Variants in GDF6 observed in about 807,000 individuals in gnomAD.
The protein encoded by GDF6 is growth differentiation factor 6.
GDF6 carries 3 observed loss-of-function variants against 32.4 expected under a neutral mutation model. That is an observed-to-expected ratio of 0.09 (90% CI 0.04 to 0.24). The LOEUF is 0.24. GDF6 is among the 10% of genes least tolerant of loss of function. The pLI is 1.00. For missense variants in GDF6, 589 were observed against 637.9 expected (o/e 0.92, Z 0.83); for synonymous variants, 296 against 295.3 (o/e 1.00, Z -0.03).
chr8:96,147,033 C>T (rs1000609489), intron 1 of GDF6, among the ~76,000 whole-genome samples: 1 of 152,182 alleles, frequency 6.6e-6, no homozygotes, highest in Non-Finnish European at 1.5e-5. Context: ...ACAAAAATCC[C>T]CAAAGCCCCC....
chr8:96,145,464 G>A lies in GDF6; in HGVS notation c.467C>T (p.Ser156Leu), dbSNP rs770401948. The change falls in exon 2 of 2, where the codon TCA becomes TTA. Residue 156 changes from serine to leucine, a missense_variant. Coordinates refer to ENST00000287020, the MANE Select transcript of GDF6 (RefSeq NM_001001557.4). This position sits in a 1 kb window ranked among gnomAD's most constrained non-coding sequence, Gnocchi z 5.6. ...QKYLFDVSML[S>L]DKEELVGAEL... ...CGCGCCCACCAGCTCTTCTTTGTCT[G>A]AGAGCATGGACACATCAAACAAATA... 6.3e-7 allele frequency: 1 copy of A among 1,597,874 alleles called. No homozygotes were observed. The highest frequency in any genetic ancestry group is 2.2e-5 in the East Asian group (1 of 44,860).
intron 1 of GDF6, among the ~76,000 whole-genome samples, chr8:96,146,140 C>A (rs1282608821): frequency 6.6e-6 from 1 of 152,190 alleles, no homozygotes; most frequent in African/African-American, 2.4e-5. Flanking sequence ...CCACCTTGCT[C>A]CCCTCAGTGC....
Position 96,160,547 on chromosome 8 carries a change from C to T in GDF6, c.146G>A (p.Gly49Asp). Residue 49 changes from glycine to aspartate, a missense_variant, in exon 1 of 2, where the codon GGC becomes GAC. Gly to Asp is a moderately conservative substitution (Grantham distance 94). This residue lies in a region of GDF6 where 436 missense variants were observed against 411.2 expected (regional missense o/e 1.06). Transcript: ENST00000287020. ...GTCGCGCGGCGCCCGCTGCATCTTGCCTTCCTTGCGGCTTCGCATGCCCTT... is the reference window on the plus strand; with the variant it reads ...GTCGCGCGGCGCCCGCTGCATCTTGTCTTCCTTGCGGCTTCGCATGCCCTT... ...STKGMRSRKE[G>D]KMQRAPRDSD... 6.2e-7 allele frequency: 1 copy of T among 1,613,616 alleles called. No homozygotes were observed. The highest frequency in any genetic ancestry group is 8.5e-7 in the Non-Finnish European group (1 of 1,179,708).
chr8:96,155,258 G>T (rs1056622119), intron 1 of GDF6, among the ~76,000 whole-genome samples: 2 of 152,224 alleles, frequency 1.3e-5, no homozygotes, highest in Non-Finnish European at 2.9e-5. Flanking sequence ...GAATCCCTGC[G>T]CAACCTGCGC....
chr8:96,151,443 A>G (rs1006623651), intron 1 of GDF6, among the ~76,000 whole-genome samples: 2 of 152,230 alleles, frequency 1.3e-5, no homozygotes, highest in Non-Finnish European at 2.9e-5. Flanking sequence ...ACTAAGTAGT[A>G]GAGTGGGCAA....
In GDF6 at chr8:96,150,429, C is replaced by T. The variant is rs147732366; in HGVS notation, c.407-4905G>A. ...CAAGAGAAACTCTAGGCGCCTTTCCCTTACCCCCTCATTTTAGAGCCAGCA... is the reference window on the plus strand; with the variant it reads ...CAAGAGAAACTCTAGGCGCCTTTCCTTTACCCCCTCATTTTAGAGCCAGCA... On this transcript the variant is annotated intron_variant, in intron 1 of 1. Transcript: ENST00000287020. Among the ~76,000 whole-genome samples the T allele has an allele frequency of 5.0e-3, 758 of 152,342 alleles. 2 individuals carry two copies. The highest frequency in any genetic ancestry group is 8.4e-3 in the Non-Finnish European group (569 of 68,020).
rs759021639 is a variant in GDF6, at chr8:96,145,175, G to T, written c.756C>A (p.Pro252=). ...GCAGGTCCGGGGGCGGCGGTTGCTGGGGTCCCCGCGCGCGCGCCTCGGCCT... is the reference window on the plus strand; with the variant it reads ...GCAGGTCCGGGGGCGGCGGTTGCTGTGGTCCCCGCGCGCGCGCCTCGGCCT... ...AGEAEARARG[P]QQPPPPDLRS... is the part of the protein sequence containing the mutation. The change falls in exon 2 of 2, where the codon CCC becomes CCA. Residue 252 remains proline, a synonymous_variant. Coordinates refer to ENST00000287020, the MANE Select transcript of GDF6 (RefSeq NM_001001557.4). The surrounding 1 kb of genome is among the most constrained non-coding windows in gnomAD (Gnocchi z 5.6). 12 of 1,498,554 alleles carry T rather than the reference G, an allele frequency of 8.0e-6. No individual in the cohort carries two copies. Among genetic ancestry groups the T allele is most frequent in the Non-Finnish European group, 1.1e-5 (12 of 1,131,692 alleles). 92.8% of individuals were successfully genotyped at this position (1,498,554 alleles called of 1,614,324 possible). A position where few individuals can be genotyped will look rare whatever the true frequency, so the allele number is the denominator to read the frequency against.
chr8:96,152,895 G>A (rs2130223409), intron 1 of GDF6, among the ~76,000 whole-genome samples: 1 of 152,304 alleles, frequency 6.6e-6, no homozygotes, highest in African/African-American at 2.4e-5. Context: ...CAAGTTAAGT[G>A]GGTCTAGTGG....
At chr8:96,151,049 A>C (rs1812560263) in intron 1 of GDF6, among the ~76,000 whole-genome samples, 1 of 152,198 alleles carries the variant, frequency 6.6e-6, no homozygotes, top group African/African-American at 2.4e-5. Context: ...TTTAAGGGGA[A>C]TCTGTGTGCC....
intron 1 of GDF6, among the ~76,000 whole-genome samples, chr8:96,156,233 C>T (rs1027488806): frequency 1.3e-5 from 2 of 152,214 alleles, no homozygotes; most frequent in Non-Finnish European, 2.9e-5. Flanking sequence ...CATCTGGAAA[C>T]CTAACTCACA....
At chr8:96,152,968 CA>C (rs1812593319) in intron 1 of GDF6, among the ~76,000 whole-genome samples, 1 of 152,144 alleles carries the variant, frequency 6.6e-6, no homozygotes, top group African/African-American at 2.4e-5. Context: ...CAAGGTGAGG[CA>C]AATGAATGAG....
chr8:96,156,375 TCC>T (rs1268661056), intron 1 of GDF6, among the ~76,000 whole-genome samples: 3 of 26,060 alleles, frequency 1.2e-4, no homozygotes, highest in Non-Finnish European at 2.1e-4. Flanking sequence ...TCTCTCTCTT[TCC>T]CTCTCTCTCT....
chr8:96,150,512 G>A (rs1450853049), intron 1 of GDF6, among the ~76,000 whole-genome samples: 2 of 152,254 alleles, frequency 1.3e-5, no homozygotes, highest in Non-Finnish European at 2.9e-5. Flanking sequence ...TCAGAGCTTT[G>A]ATGGCCTCTC....
rs999540114 is a variant in GDF6, at chr8:96,145,948, T to C, written c.407-424A>G. On this transcript the variant is annotated intron_variant, in intron 1 of 1. Coordinates refer to ENST00000287020, the MANE Select transcript of GDF6 (RefSeq NM_001001557.4). This position sits in a 1 kb window ranked among gnomAD's most constrained non-coding sequence, Gnocchi z 5.6. ...GTCACCTCCTCCAAGTAGCCACCCC[T>C]GAGCACCCTGATCTAAGGTAGCCTC... is the stretch of plus-strand genomic sequence containing the variant. Among the ~76,000 whole-genome samples the C allele has an allele frequency of 6.6e-5, 10 of 152,220 alleles. No individual in the cohort carries two copies. The highest frequency in any genetic ancestry group is 1.5e-4 in the Non-Finnish European group (10 of 68,026).
chr8:96,150,230 A>G (rs1015621439), intron 1 of GDF6, among the ~76,000 whole-genome samples: 7 of 152,058 alleles, frequency 4.6e-5, no homozygotes, highest in Non-Finnish European at 1.5e-5. Context: ...CACCTGGCTC[A>G]CATCTCTGAG....
rs1812466182 is a variant in GDF6, at chr8:96,145,621, G to A, written c.407-97C>T. On this transcript the variant is annotated intron_variant, in intron 1 of 1. Coordinates refer to ENST00000287020, the MANE Select transcript of GDF6 (RefSeq NM_001001557.4). This position sits in a 1 kb window ranked among gnomAD's most constrained non-coding sequence, Gnocchi z 5.6. ...CGGGAGGAAAAGGGCGGGGAGTGGG[G>A]GCAGGTCGGCCGGGCAGTCCAGCTT... 3 of 1,484,160 alleles carry A rather than the reference G, an allele frequency of 2.0e-6. No individual in the cohort carries two copies. Among genetic ancestry groups the A allele is most frequent in the Non-Finnish European group, 1.8e-6 (2 of 1,086,208 alleles). 91.9% of individuals were successfully genotyped at this position (1,484,160 alleles called of 1,614,324 possible). A position where few individuals can be genotyped will look rare whatever the true frequency, so the allele number is the denominator to read the frequency against.
At chr8:96,154,584 C>T (rs1161662624) in intron 1 of GDF6, among the ~76,000 whole-genome samples, 1 of 152,160 alleles carries the variant, frequency 6.6e-6, no homozygotes, top group Non-Finnish European at 1.5e-5. Flanking sequence ...TTCCACACCT[C>T]GAGGGCTCGG....
At position 96,142,679 on chromosome 8, in the gene GDF6, T is replaced by C. The variant is rs534388224; in HGVS notation, c.*1884A>G. ...GAATTGCATGCTGTCCATTTCCTCT[T>C]TGCACTTTCAGTCACCTTAAATAAA... On this transcript the variant is annotated 3_prime_UTR_variant, in exon 2 of 2. Transcript: ENST00000287020. The C allele has an allele frequency of 2.0e-5, 3 of 152,786 alleles. No homozygotes were observed. The highest frequency in any genetic ancestry group is 7.2e-5 in the African/African-American group (3 of 41,586). 9.5% of individuals were successfully genotyped at this position (152,786 alleles called of 1,614,324 possible).
Position 96,145,285 on chromosome 8 carries a change from C to G in GDF6, c.646G>C (p.Asp216His). Reference sequence around the variant, plus strand: ...TGGTGGCGCAGGCCCTGCCACACGTCGAAGACTTCCCAGCCGGCCGGCGGC... The same window carrying G: ...TGGTGGCGCAGGCCCTGCCACACGTGGAAGACTTCCCAGCCGGCCGGCGGC... ...GAPPAGWEVF[D>H]VWQGLRHQPW... The change falls in exon 2 of 2, where the codon GAC becomes CAC. Residue 216 changes from aspartate (D) to histidine (H), a missense_variant. Asp to His is a moderately conservative substitution (Grantham distance 81, BLOSUM62 -1). This residue lies in a region of GDF6 where 436 missense variants were observed against 411.2 expected (regional missense o/e 1.06). Coordinates refer to ENST00000287020, the MANE Select transcript of GDF6 (RefSeq NM_001001557.4). This position sits in a 1 kb window ranked among gnomAD's most constrained non-coding sequence, Gnocchi z 5.6. 6.5e-7 allele frequency: 1 copy of G among 1,528,568 alleles called. No homozygotes were observed. The highest frequency in any genetic ancestry group is 8.7e-7 in the Non-Finnish European group (1 of 1,143,924). The allele number at this position is 1,528,568 out of a possible 1,614,324, so 94.7% of individuals were successfully genotyped here. A position where few individuals can be genotyped will look rare whatever the true frequency, so the allele number is the denominator to read the frequency against.
Sources: allele counts gnomAD v4.1 joint callset (sites outside exome capture counted in the v4.1 genomes callset), GRCh38; gene constraint gnomAD v4.1.1; regional missense constraint gnomAD v4.1.1; non-coding constraint Gnocchi (gnomAD v3.1); transcripts MANE v1.5; gene names NCBI Gene and HGNC (gene_info 2026-07-23, HGNC 2026-07-21).